Variants in NFIC observed in about 807,000 individuals in gnomAD.
The protein encoded by NFIC is nuclear factor 1 C-type.
A neutral mutation model predicts 54.4 loss-of-function variants in NFIC; 12 were observed. The ratio of observed to expected loss-of-function variants is 0.22; its 90% CI spans 0.14 to 0.36. NFIC has a LOEUF of 0.36. NFIC is among the 10% of genes least tolerant of loss of function. The probability of loss-of-function intolerance (pLI) is 1.00; values close to 1 mark genes in which losing one functional copy is unlikely to be tolerated. For missense variants in NFIC, 575 were observed against 718.2 expected, an observed-to-expected ratio of 0.80 and a Z score of 2.28; for synonymous variants, 322 against 319.2, an observed-to-expected ratio of 1.01 and a Z score of -0.09.
chr19:3,367,441 G>T (rs2080913926), intron 1 of NFIC, among the ~76,000 whole-genome samples: 1 of 151,996 alleles, frequency 6.6e-6, no homozygotes, highest in African/African-American at 2.4e-5. Context: ...GCGGCGCTGC[G>T]GACGCCCTCG....
chr19:3,382,308 C>A, intron 2 of NFIC, 65 bp downstream of exon 2: 1 of 1,556,738 alleles, frequency 6.4e-7, no homozygotes. Context: ...TGACACGGGG[C>A]CAGGAGGGCC....
chr19:3,417,008 G>C (rs909260640), intron 2 of NFIC, among the ~76,000 whole-genome samples: 6 of 151,534 alleles, frequency 4.0e-5, no homozygotes, highest in South Asian at 4.2e-4. Context: ...CTCAGCCTCC[G>C]GAGCAGCTGG....
intron 1 of NFIC, among the ~76,000 whole-genome samples, chr19:3,376,821 C>G (rs1026849529): frequency 3.9e-5 from 6 of 152,018 alleles, no homozygotes; most frequent in Non-Finnish European, 8.8e-5. Flanking sequence ...CTCTGCCTCC[C>G]GGGTTCAAGT....
intron 2 of NFIC, among the ~76,000 whole-genome samples, chr19:3,394,719 C>A (rs1286857330): frequency 1.3e-5 from 2 of 151,804 alleles, no homozygotes; most frequent in Non-Finnish European, 2.9e-5. Flanking sequence ...AGGAGTTGAG[C>A]TTAGGGCAAG....
chr19:3,412,942 A>G (rs1200117963), intron 2 of NFIC, among the ~76,000 whole-genome samples: 1 of 152,160 alleles, frequency 6.6e-6, no homozygotes, highest in Non-Finnish European at 1.5e-5. Context: ...AGCTGTCCCC[A>G]GTATCACAGT....
chr19:3,363,352 A>G (rs898383825), upstream of NFIC, among the ~76,000 whole-genome samples: 1 of 143,850 alleles, frequency 7.0e-6, no homozygotes, highest in African/African-American at 2.6e-5. Flanking sequence ...GCTCACTGCA[A>G]CCTCCACCTC....
chr19:3,453,757 C>G lies in NFIC; in HGVS notation c.1270-6C>G. The G allele has an allele frequency of 6.3e-7, 1 of 1,599,658 alleles. No individual in the cohort carries two copies. On this transcript the variant is annotated splice_polypyrimidine_tract_variant and splice_region_variant and intron_variant, in intron 8 of 10. Coordinates refer to ENST00000443272, the MANE Select transcript of NFIC (RefSeq NM_001245002.2). The surrounding 1 kb of genome is among the most constrained non-coding windows in gnomAD (Gnocchi z 6.7). ...CCCTTAACCACGTGTCTCTCTGTTC[C>G]CCCAGTTAAATGGAAGTGGTCAGCT...
At chr19:3,435,270 T>C in intron 6 of NFIC, 63 bp downstream of exon 6, 1 of 1,461,664 alleles carries the variant, frequency 6.8e-7, no homozygotes, top group Non-Finnish European at 9.1e-7. Flanking sequence ...GGGAACTACG[T>C]CTTCCGGCAG....
At chr19:3,429,623 G>A (rs926710771) in intron 3 of NFIC, among the ~76,000 whole-genome samples, 2 of 152,020 alleles carry the variant, frequency 1.3e-5, no homozygotes, top group Non-Finnish European at 2.9e-5. Flanking sequence ...GGGGACTGGC[G>A]GGGGTTTGGG....
intron 10 of NFIC, among the ~76,000 whole-genome samples, chr19:3,460,867 A>G (rs974616372): frequency 3.3e-5 from 5 of 151,872 alleles, no homozygotes; most frequent in African/African-American, 9.7e-5. Context: ...GCTCATGCCT[A>G]TAATCCCAGC....
chr19:3,393,816 C>CA (rs35101011), intron 2 of NFIC, among the ~76,000 whole-genome samples: 18,869 of 55,282 alleles, frequency 0.34, 3,548 homozygotes, highest in East Asian at 0.51. Context: ...GACTCTGTCT[C>CA]AAAAAAAAAA....
At chr19:3,384,386 T>A (rs1471755402) in intron 2 of NFIC, among the ~76,000 whole-genome samples, 3 of 151,772 alleles carry the variant, frequency 2.0e-5, no homozygotes. Context: ...CCAGTCTTTT[T>A]TTTTTTTCTT....
upstream of NFIC, among the ~76,000 whole-genome samples, chr19:3,363,253 A>G (rs369742852): frequency 5.2e-3 from 67 of 12,926 alleles, 1 homozygote; most frequent in African/African-American, 0.017. Flanking sequence ...ATATATATAT[A>G]TATATATATA....
intron 5 of NFIC, 147 bp from the exon 6 acceptor site, chr19:3,434,935 GC>G: frequency 3.6e-6 from 4 of 1,114,824 alleles, no homozygotes; most frequent in Non-Finnish European, 5.0e-6. Context: ...TAGGGAACGG[GC>G]TGAACGCCCG....
chr19:3,440,907 C>T (rs1055581373), intron 6 of NFIC, among the ~76,000 whole-genome samples: 1 of 152,218 alleles, frequency 6.6e-6, no homozygotes, highest in Non-Finnish European at 1.5e-5. Context: ...TCAGCGCCCA[C>T]TGGGCTCATG....
At chr19:3,444,559 A>G (rs1451675661) in intron 6 of NFIC, among the ~76,000 whole-genome samples, 4 of 152,176 alleles carry the variant, frequency 2.6e-5, no homozygotes, top group Non-Finnish European at 5.9e-5. Flanking sequence ...GTGCCGGCTT[A>G]TTCTTTCTCG....
At chr19:3,377,959 T>C (rs1351048905) in intron 1 of NFIC, among the ~76,000 whole-genome samples, 1 of 151,992 alleles carries the variant, frequency 6.6e-6, no homozygotes, top group Admixed American at 6.6e-5. Flanking sequence ...GATAGGGTTT[T>C]GCCTGCCGGC....
In NFIC at chr19:3,463,540, G is replaced by T; in HGVS notation, c.*771G>T. ...ACAAGCCCCTCCCAAAGCGCCGGCC[G>T]ACTCGCTGTCTCGCTGGGGACTCTT... On this transcript the variant is annotated 3_prime_UTR_variant, in exon 11 of 11. Coordinates refer to ENST00000443272, the MANE Select transcript of NFIC (RefSeq NM_001245002.2). 1.0e-6 allele frequency: 1 copy of T among 984,370 alleles called. No homozygotes were observed. Among genetic ancestry groups the T allele is most frequent in the Non-Finnish European group, 1.2e-6 (1 of 829,668 alleles). The allele number at this position is 984,370 out of a possible 1,614,324, so 61.0% of individuals were successfully genotyped here.
intron 9 of NFIC, chr19:3,454,276 C>T (rs1240709645): frequency 1.8e-6 from 2 of 1,110,012 alleles, no homozygotes; most frequent in Non-Finnish European, 2.2e-6. Flanking sequence ...CAGACTCGAC[C>T]CCCAGACTGG....
Sources: gnomAD v4.1 joint callset for allele counts (sites outside exome capture counted in the v4.1 genomes callset) on GRCh38, gnomAD v4.1.1 for gene constraint, Gnocchi (gnomAD v3.1) non-coding constraint, MANE v1.5 for transcripts, NCBI Gene and HGNC (gene_info 2026-07-23, HGNC 2026-07-21) for gene names.